The following SLC24A2 variants were observed in gnomAD, a reference collection of about 807,000 sequenced individuals.
SLC24A2 encodes the protein solute carrier family 24 member 2, also known as sodium/potassium/calcium exchanger 2.
A neutral mutation model predicts 62.0 loss-of-function variants in SLC24A2; 36 were observed. The ratio of observed to expected loss-of-function variants is 0.58; its 90% CI spans 0.44 to 0.77. The LOEUF (loss-of-function observed/expected upper bound fraction) is 0.77. Ranked by LOEUF, SLC24A2 falls within the 30% of genes least tolerant of loss-of-function variation. SLC24A2 has a pLI of 0.00. For synonymous variants in SLC24A2, 358 were observed against 294.0 expected (o/e 1.22, Z -2.23); for missense variants, 846 against 817.9 (o/e 1.03, Z -0.42).
chr9:19,735,339 T>A (rs981970160), intron 2 of SLC24A2, among the ~76,000 whole-genome samples: 3 of 151,974 alleles, frequency 2.0e-5, no homozygotes, highest in African/African-American at 7.3e-5. Context: ...ATGGCAATCA[T>A]TAAAAAGTCA....
chr9:19,696,207 G>A (rs1434055507), intron 2 of SLC24A2, among the ~76,000 whole-genome samples: 1 of 152,054 alleles, frequency 6.6e-6, no homozygotes, highest in Non-Finnish European at 1.5e-5. Context: ...CAGTTTCATC[G>A]CAAAACCATC....
At chr9:19,586,323 T>C (rs1836370474) in intron 5 of SLC24A2, among the ~76,000 whole-genome samples, 1 of 152,190 alleles carries the variant, frequency 6.6e-6, no homozygotes, top group South Asian at 2.1e-4. Context: ...AGGCTGGTCC[T>C]CACAAGTGTT....
chr9:20,084,080 C>T, the SLC24A2 span, among the ~76,000 whole-genome samples: 4 of 152,208 alleles, frequency 2.6e-5, no homozygotes, highest in African/African-American at 9.7e-5. Flanking sequence ...CAGATCTTGG[C>T]TTTTCACCGT....
intron 7 of SLC24A2, among the ~76,000 whole-genome samples, chr9:19,557,066 TGAGATG>T: frequency 6.6e-6 from 1 of 152,246 alleles, no homozygotes; most frequent in African/African-American, 2.4e-5. Flanking sequence ...GTAGGGAACC[TGAGATG>T]GAGTGACCTG....
chr9:19,873,552 T>TTCTTTCTTTCTTTCTTTCTTTC, the SLC24A2 span, among the ~76,000 whole-genome samples: 1 of 149,466 alleles, frequency 6.7e-6, no homozygotes, highest in East Asian at 2.0e-4. Context: ...CTTTCTTTCT[T>TTCTTTCTTTCTTTCTTTCTTTC]TCTCTCTCTC....
At chr9:19,559,750 C>G (rs554195736) in intron 7 of SLC24A2, among the ~76,000 whole-genome samples, 4 of 152,296 alleles carry the variant, frequency 2.6e-5, no homozygotes, top group Admixed American at 2.0e-4. Context: ...CCTATAAACT[C>G]CCACCCAAAA....
the SLC24A2 span, among the ~76,000 whole-genome samples, chr9:19,821,130 T>G: frequency 1.3e-5 from 2 of 152,064 alleles, no homozygotes; most frequent in African/African-American, 4.8e-5. Context: ...AACAGCCAAT[T>G]TAACTGCCTA....
chr9:19,920,832 G>C, the SLC24A2 span, among the ~76,000 whole-genome samples: 1 of 152,156 alleles, frequency 6.6e-6, no homozygotes, highest in Non-Finnish European at 1.5e-5. Flanking sequence ...CCGGATGTGA[G>C]AGACAGAAGA....
intron 2 of SLC24A2, among the ~76,000 whole-genome samples, chr9:19,645,383 A>C (rs1220529880): frequency 6.6e-6 from 1 of 152,186 alleles, no homozygotes; most frequent in Non-Finnish European, 1.5e-5. Flanking sequence ...CATAGTTACA[A>C]CTAATATTCG....
the SLC24A2 span, among the ~76,000 whole-genome samples, chr9:20,238,194 C>G: frequency 6.6e-6 from 1 of 152,190 alleles, no homozygotes; most frequent in Non-Finnish European, 1.5e-5. Context: ...TTGATACTTT[C>G]ACGTGTTATT....
chr9:19,709,916 TAAAA>T (rs1044851143), intron 2 of SLC24A2, among the ~76,000 whole-genome samples: 22 of 151,628 alleles, frequency 1.5e-4, no homozygotes, highest in Non-Finnish European at 5.9e-5. Flanking sequence ...TAAAATAAAA[TAAAA>T]AAAGAAATGA....
the SLC24A2 span, among the ~76,000 whole-genome samples, chr9:19,816,718 G>T: frequency 1.3e-5 from 2 of 152,042 alleles, no homozygotes; most frequent in African/African-American, 4.8e-5. Flanking sequence ...AGGAGCAGGA[G>T]CAAGAGAGGG....
the SLC24A2 span, among the ~76,000 whole-genome samples, chr9:20,063,331 T>C: frequency 6.6e-6 from 1 of 151,090 alleles, no homozygotes; most frequent in Admixed American, 6.6e-5. Context: ...GATGAGTTCA[T>C]GTCCTTTGTA....
At chr9:19,901,303 T>C in the SLC24A2 span, among the ~76,000 whole-genome samples, 1 of 152,180 alleles carries the variant, frequency 6.6e-6, no homozygotes, top group African/African-American at 2.4e-5. Context: ...GGGGATGCTG[T>C]ACACAGTAGG....
chr9:19,782,500 C>T (rs1887388), intron 2 of SLC24A2, among the ~76,000 whole-genome samples: 58,137 of 152,002 alleles, frequency 0.38, 11,876 homozygotes, highest in Admixed American at 0.48. Flanking sequence ...ATGTTTGACC[C>T]ATTTATATTC....
the SLC24A2 span, among the ~76,000 whole-genome samples, chr9:20,057,135 T>C: frequency 6.6e-6 from 1 of 152,252 alleles, no homozygotes; most frequent in Non-Finnish European, 1.5e-5. Flanking sequence ...ACATCACCTA[T>C]ATATTCACAA....
chr9:19,771,529 A>G (rs1822688427), intron 2 of SLC24A2, among the ~76,000 whole-genome samples: 2 of 152,234 alleles, frequency 1.3e-5, no homozygotes, highest in South Asian at 2.1e-4. Context: ...CTGGCTGCTC[A>G]TCTGAATGCT....
chr9:19,933,262 G>A, the SLC24A2 span, among the ~76,000 whole-genome samples: 2 of 152,180 alleles, frequency 1.3e-5, no homozygotes, highest in African/African-American at 4.8e-5. Context: ...TAAAAGCAAC[G>A]GTACTTGCAC....
chr9:19,920,563 C>T, the SLC24A2 span, among the ~76,000 whole-genome samples: 4 of 152,152 alleles, frequency 2.6e-5, no homozygotes, highest in Middle Eastern at 3.4e-3. Context: ...GCCAACGTAC[C>T]GCTATGGGCT....
Sources: gnomAD v4.1 joint callset for allele counts (sites outside exome capture counted in the v4.1 genomes callset) on GRCh38, gnomAD v4.1.1 for gene constraint, MANE v1.5 for transcripts, NCBI Gene and HGNC (gene_info 2026-07-23, HGNC 2026-07-21) for gene names.